MAP2K4: variants seen among roughly 807,000 people sequenced by gnomAD.
MAP2K4 encodes dual specificity mitogen-activated protein kinase kinase 4.
A neutral mutation model predicts 48.5 loss-of-function variants in MAP2K4; 4 were observed. That is an observed-to-expected ratio of 0.08 (90% CI 0.04 to 0.19). The LOEUF (loss-of-function observed/expected upper bound fraction) is 0.19. Among genes scored for constraint, MAP2K4 ranks in the 10% least tolerant of loss-of-function variants. The probability of loss-of-function intolerance (pLI) is 1.00; values close to 1 mark genes in which losing one functional copy is unlikely to be tolerated. For missense variants in MAP2K4, 258 were observed against 493.3 expected (o/e 0.52, Z 4.52); for synonymous variants, 166 against 173.1 (o/e 0.96, Z 0.32).
intron 3 of MAP2K4, chr17:12,095,309 A>G (rs1328555309): frequency 4.5e-6 from 2 of 445,372 alleles, no homozygotes; most frequent in Middle Eastern, 6.6e-4. Context: ...ACTTTGTTGC[A>G]TAACTCCCAA....
chr17:12,037,616 C>T (rs1359677707), intron 1 of MAP2K4, among the ~76,000 whole-genome samples: 2 of 134,298 alleles, frequency 1.5e-5, no homozygotes, highest in Admixed American at 8.0e-5. Flanking sequence ...GAGGTTTATA[C>T]AGTTTATATA....
At chr17:12,130,178 G>A (rs1242522518) in intron 9 of MAP2K4, among the ~76,000 whole-genome samples, 2 of 152,008 alleles carry the variant, frequency 1.3e-5, no homozygotes, top group African/African-American at 4.8e-5. Context: ...GTCTAACATT[G>A]CCCTCCTTTG....
At chr17:12,123,645 C>T (rs1444834100) in intron 7 of MAP2K4, among the ~76,000 whole-genome samples, 2 of 151,868 alleles carry the variant, frequency 1.3e-5, no homozygotes, top group Non-Finnish European at 2.9e-5. Context: ...GAGATGTCTT[C>T]TCTTCTAATG....
At chr17:12,059,170 T>C (rs1334069133) in intron 2 of MAP2K4, among the ~76,000 whole-genome samples, 2 of 152,212 alleles carry the variant, frequency 1.3e-5, no homozygotes, top group Non-Finnish European at 2.9e-5. Flanking sequence ...TAACATTTTT[T>C]CCCTTGGCTT....
At chr17:12,064,017 G>T (rs552616756) in intron 2 of MAP2K4, among the ~76,000 whole-genome samples, 12 of 115,904 alleles carry the variant, frequency 1.0e-4, no homozygotes, top group African/African-American at 3.1e-4. Flanking sequence ...AGAGGGGAAG[G>T]GGGGGAGAGA....
intron 8 of MAP2K4, among the ~76,000 whole-genome samples, chr17:12,126,771 T>A (rs28921071): frequency 6.6e-6 from 1 of 152,364 alleles, no homozygotes; most frequent in African/African-American, 2.4e-5. Flanking sequence ...AAATTTTGTT[T>A]TGAAGTCTTC....
intron 1 of MAP2K4, among the ~76,000 whole-genome samples, chr17:12,044,000 A>G (rs1014119828): frequency 2.0e-5 from 3 of 151,982 alleles, no homozygotes; most frequent in Non-Finnish European, 4.4e-5. Flanking sequence ...CTGAAGTTAT[A>G]TAGGGGCCCT....
chr17:12,041,884 A>T (rs982488396), intron 1 of MAP2K4, among the ~76,000 whole-genome samples: 5 of 152,226 alleles, frequency 3.3e-5, no homozygotes, highest in African/African-American at 1.2e-4. Flanking sequence ...AATGGTCAGA[A>T]GTCATGCCGA....
At chr17:12,106,041 G>A (rs960169604) in intron 4 of MAP2K4, among the ~76,000 whole-genome samples, 5 of 152,108 alleles carry the variant, frequency 3.3e-5, no homozygotes, top group African/African-American at 4.8e-5. Context: ...CTGAGGATGC[G>A]AGGAGGCCCA....
rs1291994283 is a variant in MAP2K4 at position 12,107,849 on chromosome 17, T to C, written c.573T>C (p.Tyr191=). The C allele has an allele frequency of 2.5e-6, 4 of 1,605,270 alleles. No individual in the cohort carries two copies. The African/African-American group carries it at 4.0e-5, about 16-fold the overall frequency. ...MSTSFDKFYK[Y]VYSVLDDVIP... ...CCTCGTTTGATAAGTTTTACAAATA[T>C]GTATATAGTGTATTAGATGATGTTA... The change falls in exon 5 of 11, where the codon TAT becomes TAC. Residue 191 remains tyrosine (Y), a synonymous_variant. Transcript: ENST00000353533.
rs200309681 is a variant in MAP2K4 at position 12,116,491 on chromosome 17, TA to T, written c.813+3139del. Reference sequence around the variant, plus strand: ...TTTTTTACTTTATACACTTTTTAATTAAAAAAAATTTTTTTTACTTTTTTGT... The same window carrying T: ...TTTTTTACTTTATACACTTTTTAATTAAAAAAATTTTTTTTACTTTTTTGT... On this transcript the variant is annotated intron_variant, in intron 7 of 10. Transcript: ENST00000353533. Among the ~76,000 whole-genome samples the T allele has an allele frequency of 4.3e-4, 65 of 152,232 alleles. No homozygotes were observed. The East Asian group carries it at 0.01, about 24-fold the overall frequency.
chr17:12,072,825 T>G (rs959349722), intron 2 of MAP2K4, among the ~76,000 whole-genome samples: 12 of 152,204 alleles, frequency 7.9e-5, no homozygotes, highest in Non-Finnish European at 1.6e-4. Flanking sequence ...TCGACATGTT[T>G]AAATAAGTGT....
intron 3 of MAP2K4, among the ~76,000 whole-genome samples, chr17:12,093,943 A>G (rs1248485522): frequency 6.6e-6 from 1 of 152,234 alleles, no homozygotes; most frequent in African/African-American, 2.4e-5. Flanking sequence ...TTGAACAAAT[A>G]CAGATCACAT....
chr17:12,119,672 G>T (rs1218055727), intron 7 of MAP2K4, among the ~76,000 whole-genome samples: 2 of 152,178 alleles, frequency 1.3e-5, no homozygotes, highest in African/African-American at 4.8e-5. Context: ...AAGTCATTCT[G>T]TCATAAAGAC....
chr17:12,085,455 G>C (rs1971330386), intron 3 of MAP2K4, among the ~76,000 whole-genome samples: 1 of 151,844 alleles, frequency 6.6e-6, no homozygotes, highest in South Asian at 2.1e-4. Context: ...TCTGTTGTTT[G>C]AGGGTAGGTG....
intron 7 of MAP2K4, 148 bp from the exon 8 acceptor site, chr17:12,125,146 T>A: frequency 1.6e-6 from 1 of 622,626 alleles, no homozygotes; most frequent in Middle Eastern, 3.0e-4. Flanking sequence ...ATGATAATGA[T>A]GACTTCCTAT....
chr17:12,021,969 G>A (rs1171298448), intron 1 of MAP2K4, among the ~76,000 whole-genome samples: 1 of 152,162 alleles, frequency 6.6e-6, no homozygotes, highest in Non-Finnish European at 1.5e-5. Flanking sequence ...ATTTACTGGG[G>A]AATTTTGAGT....
At chr17:12,042,580 G>C (rs998794946) in intron 1 of MAP2K4, among the ~76,000 whole-genome samples, 36 of 152,174 alleles carry the variant, frequency 2.4e-4, no homozygotes, top group Non-Finnish European at 2.9e-4. Flanking sequence ...GGTGAAAGCC[G>C]CAGTGAGATG....
At position 12,124,991 on chromosome 17, in the gene MAP2K4, TG is replaced by T. The variant is rs367604692; in HGVS notation, c.814-302del. The T allele has an allele frequency of 4.1e-4, 143 of 345,814 alleles. 1 individual carries two copies. Among genetic ancestry groups the T allele is most frequent in the African/African-American group, 2.7e-3 (131 of 48,402 alleles). The allele number at this position is 345,814 out of a possible 1,614,324, so 21.4% of individuals were successfully genotyped here. A position where few individuals can be genotyped will look rare whatever the true frequency, so the allele number is the denominator to read the frequency against. On this transcript the variant is annotated intron_variant, in intron 7 of 10. Transcript: ENST00000353533. The stretch of plus-strand genomic sequence containing the variant: ...CACCTGGCGACCTTGTAATTCTTTA[TG>T]TTTTCCAGTTTTCTTCCTTTGTCTC...
Sources: gnomAD v4.1 joint callset for allele counts (sites outside exome capture counted in the v4.1 genomes callset) on GRCh38, gnomAD v4.1.1 for gene constraint, MANE v1.5 for transcripts, NCBI Gene and HGNC (gene_info 2026-07-23, HGNC 2026-07-21) for gene names.